Variants in ERBB2 observed in about 807,000 individuals in gnomAD.
The protein encoded by ERBB2 is erb-b2 receptor tyrosine kinase 2, also known as receptor tyrosine-protein kinase erbB-2.
ERBB2 carries 61 observed loss-of-function variants against 149.0 expected under a neutral mutation model. The observed-to-expected ratio is 0.41, with a 90% CI of 0.33 to 0.51. ERBB2 has a LOEUF of 0.51. ERBB2 is among the 20% of genes least tolerant of loss of function. The pLI is 0.25. For synonymous variants in ERBB2, 633 were observed against 678.8 expected (o/e 0.93, Z 1.05); for missense variants, 1,205 against 1,655.1 (o/e 0.73, Z 4.72).
In ERBB2 at chr17:39,716,566, G is replaced by A. The variant is rs902323727; in HGVS notation, c.1698G>A (p.Glu566=). 1.9e-5 allele frequency: 30 copies of A among 1,614,080 alleles called. No individual in the cohort carries two copies. The highest frequency in any genetic ancestry group is 2.5e-5 in the Non-Finnish European group (29 of 1,180,044). ...GGCACTGTTTGCCGTGCCACCCTGA[G>A]TGTCAGCCCCAGAATGGCTCAGTGA... ...NARHCLPCHP[E]CQPQNGSVTC... The change falls in exon 14 of 27, where the codon GAG becomes GAA. Residue 566 remains glutamate (E), a synonymous_variant. Transcript: ENST00000269571.
intron 15 of ERBB2, among the ~76,000 whole-genome samples, chr17:39,719,047 G>A (rs2059307170): frequency 6.6e-6 from 1 of 152,112 alleles, no homozygotes; most frequent in Non-Finnish European, 1.5e-5. Context: ...GATCACCTGA[G>A]GTCAGGAGTT....
Position 39,715,245 on chromosome 17 carries a change from C to A in ERBB2, c.1149-41C>A, listed in dbSNP as rs2145627637. 4 of 1,567,322 alleles carry A rather than the reference C, an allele frequency of 2.6e-6. No individual in the cohort carries two copies. The South Asian group carries it at 4.4e-5, about 17-fold the overall frequency. The stretch of plus-strand genomic sequence containing the variant: ...GGCCAGTGCTGGGAGTGATGTCCAC[C>A]CTGTTCCTGGCCCTGCTGACTCCTC... On this transcript the variant is annotated intron_variant, in intron 9 of 26. Transcript: ENST00000269571.
chr17:39,721,629 C>A (rs770794720), intron 16 of ERBB2, among the ~76,000 whole-genome samples: 1 of 152,080 alleles, frequency 6.6e-6, no homozygotes, highest in Admixed American at 6.5e-5. Context: ...GCTGAAGGGA[C>A]AGCCTATGCA....
At chr17:39,724,083 T>C in intron 19 of ERBB2, 73 bp downstream of exon 19, 2 of 1,098,870 alleles carry the variant, frequency 1.8e-6, no homozygotes, top group Non-Finnish European at 1.3e-6. Context: ...CTCTGGTCTC[T>C]CTTCATTGGG....
In ERBB2 at chr17:39,715,421, C is replaced by G. The variant is rs201484823; in HGVS notation, c.1223-25C>G. ...GGGAGTCCTTGTCCTGTCCCCACTC[C>G]TTTAATCTCACCCTCTGCCTGCAGG... On this transcript the variant is annotated intron_variant, in intron 10 of 26. Coordinates refer to ENST00000269571, the MANE Select transcript of ERBB2 (RefSeq NM_004448.4). 6.5e-4 allele frequency: 1,048 copies of G among 1,613,936 alleles called. 1 individual carries two copies. The highest frequency in any genetic ancestry group is 8.3e-4 in the Non-Finnish European group (981 of 1,179,792).
chr17:39,724,407 G>C (rs1293342028), intron 19 of ERBB2, among the ~76,000 whole-genome samples: 2 of 151,438 alleles, frequency 1.3e-5, no homozygotes, highest in Admixed American at 1.3e-4. Context: ...TTACAGGCGC[G>C]AGCCACCACG....
Position 39,727,063 on chromosome 17 carries a change from T to C in ERBB2, c.3159+60T>C. ...CTTACCTCCCCCAACCCCGGTGGAC[T>C]AGGGTCCCTTTCTCTGATGTTCCCT... On this transcript the variant is annotated intron_variant, in intron 25 of 26. Transcript: ENST00000269571. The surrounding 1 kb of genome is among the most constrained non-coding windows in gnomAD (Gnocchi z 4.3). 3 of 1,438,502 alleles carry C rather than the reference T, an allele frequency of 2.1e-6. No individual in the cohort carries two copies. The highest frequency in any genetic ancestry group is 2.8e-6 in the Non-Finnish European group (3 of 1,065,754). The allele number at this position is 1,438,502 out of a possible 1,614,324, so 89.1% of individuals were successfully genotyped here.
intron 16 of ERBB2, among the ~76,000 whole-genome samples, chr17:39,722,236 C>T (rs1438499669): frequency 6.6e-6 from 1 of 152,146 alleles, no homozygotes; most frequent in African/African-American, 2.4e-5. Flanking sequence ...GGCACCGTGG[C>T]TCACACCTGT....
chr17:39,720,647 ACTAT>A (rs1567909514), intron 16 of ERBB2, among the ~76,000 whole-genome samples: 4 of 152,068 alleles, frequency 2.6e-5, no homozygotes, highest in African/African-American at 9.7e-5. Context: ...CCCAGGATGC[ACTAT>A]CTTTTTTTTA....
chr17:39,724,202 T>C (rs1316754423), intron 19 of ERBB2, among the ~76,000 whole-genome samples, 192 bp downstream of exon 19: 1 of 150,768 alleles, frequency 6.6e-6, no homozygotes, highest in Admixed American at 6.6e-5. Context: ...CACTGCAACC[T>C]CCACCTCCTG....
chr17:39,691,570 T>TACACACACAC, upstream of ERBB2, among the ~76,000 whole-genome samples: 1 of 126,434 alleles, frequency 7.9e-6, no homozygotes, highest in African/African-American at 4.1e-5. Context: ...TATATATATA[T>TACACACACAC]ATATACACAC....
At chr17:39,694,625 G>A (rs1304336318), upstream of ERBB2, 2 of 152,040 alleles carry the variant, frequency 1.3e-5, no homozygotes, top group African/African-American at 4.8e-5. Context: ...CATCAGAAAC[G>A]AATTGTCCCC....
At position 39,700,178 on chromosome 17, in the gene ERBB2, G is replaced by GC; in HGVS notation, c.-57dup. The stretch of plus-strand genomic sequence containing the variant: ...GCCCCCACCCCTCGCAGCACCCCGC[G>GC]CCCCGCGCCCTCCCAGCCGGGTCCA... On this transcript the variant is annotated 5_prime_UTR_variant, in exon 1 of 27. Coordinates refer to ENST00000269571, the MANE Select transcript of ERBB2 (RefSeq NM_004448.4). The GC allele has an allele frequency of 1.5e-6, 2 of 1,353,620 alleles. No homozygotes were observed. The highest frequency in any genetic ancestry group is 1.9e-5 in the South Asian group (1 of 53,374). 83.9% of individuals were successfully genotyped at this position (1,353,620 alleles called of 1,614,324 possible).
intron 3 of ERBB2, 164 bp from the exon 4 acceptor site, chr17:39,709,154 G>A: frequency 1.3e-6 from 1 of 746,598 alleles, no homozygotes; most frequent in Non-Finnish European, 2.2e-6. Context: ...TGCGGGTGTG[G>A]TGGTGGTGGG....
intron 7 of ERBB2, among the ~76,000 whole-genome samples, chr17:39,711,422 C>A (rs934923091): frequency 1.4e-4 from 21 of 152,170 alleles, no homozygotes; most frequent in Admixed American, 2.6e-4. Context: ...GAACTCCTGA[C>A]CTCAAGTGAT....
chr17:39,714,979 A>G (rs1244777759), intron 9 of ERBB2, among the ~76,000 whole-genome samples: 1 of 152,160 alleles, frequency 6.6e-6, no homozygotes, highest in Non-Finnish European at 1.5e-5. Flanking sequence ...CATGTTGGCC[A>G]GGATGGTCTC....
rs748318804 is a variant in ERBB2, at chr17:39,724,734, C to T, written c.2316C>T (p.Tyr772=). The change falls in exon 20 of 27, where the codon TAC becomes TAT. Residue 772 remains tyrosine (Y), a synonymous_variant. Transcript: ENST00000269571. The stretch of plus-strand genomic sequence containing the variant: ...CGTACCCTTGTCCCCAGGAAGCATA[C>T]GTGATGGCTGGTGTGGGCTCCCCAT... ...KANKEILDEA[Y]VMAGVGSPYV... 1.2e-5 allele frequency: 20 copies of T among 1,613,936 alleles called. No individual in the cohort carries two copies. The highest frequency in any genetic ancestry group is 4.4e-5 in the South Asian group (4 of 91,074).
upstream of ERBB2, chr17:39,696,698 T>C (rs1262769465): frequency 6.6e-6 from 1 of 152,272 alleles, no homozygotes; most frequent in Non-Finnish European, 1.5e-5. Context: ...ACCTGCCTCC[T>C]CTGGAGTCTT....
chr17:39,706,588 G>T (rs1333273683), intron 1 of ERBB2, among the ~76,000 whole-genome samples: 1 of 152,092 alleles, frequency 6.6e-6, no homozygotes, highest in African/African-American at 2.4e-5. Context: ...AGAGGGGCAG[G>T]GGGTATCCAG....
Sources: gnomAD v4.1 joint callset for allele counts (sites outside exome capture counted in the v4.1 genomes callset) on GRCh38, gnomAD v4.1.1 for gene constraint, Gnocchi (gnomAD v3.1) non-coding constraint, MANE v1.5 for transcripts, NCBI Gene and HGNC (gene_info 2026-07-23, HGNC 2026-07-21) for gene names.